The following RBM27 variants were observed in gnomAD, a reference collection of about 807,000 sequenced individuals.
The protein encoded by RBM27 is RNA binding motif protein 27.
RBM27 carries 22 observed loss-of-function variants against 135.3 expected under a neutral mutation model. The ratio of observed to expected loss-of-function variants is 0.16; its 90% CI spans 0.12 to 0.23. The LOEUF (loss-of-function observed/expected upper bound fraction) is 0.23, where lower values mean the gene tolerates loss of function less well. Ranked by LOEUF, RBM27 falls within the 10% of genes least tolerant of loss-of-function variation. The probability of loss-of-function intolerance (pLI) is 1.00; values close to 1 mark genes in which losing one functional copy is unlikely to be tolerated. For missense variants in RBM27, 1,009 were observed against 1,281.0 expected, an observed-to-expected ratio of 0.79 and a Z score of 3.24; for synonymous variants, 481 against 442.4, an observed-to-expected ratio of 1.09 and a Z score of -1.10.
chr5:146,236,117 C>T (rs999076141), intron 7 of RBM27, among the ~76,000 whole-genome samples: 7 of 152,132 alleles, frequency 4.6e-5, no homozygotes, highest in Admixed American at 6.6e-5. Context: ...GTTATCTCAG[C>T]GTGGGAACAT....
At chr5:146,250,427 G>A (rs1183608587) in intron 8 of RBM27, among the ~76,000 whole-genome samples, 6 of 109,346 alleles carry the variant, frequency 5.5e-5, no homozygotes, top group African/African-American at 7.9e-5. Flanking sequence ...GCAAGACTCC[G>A]TCTCAAAAAA....
intron 1 of RBM27, among the ~76,000 whole-genome samples, chr5:146,209,699 A>G (rs1311407253): frequency 1.3e-5 from 2 of 152,320 alleles, no homozygotes; most frequent in East Asian, 3.9e-4. Context: ...CCAGCGTTAA[A>G]TAAGTATTTT....
chr5:146,279,124 T>C (rs757960814), intron 19 of RBM27, among the ~76,000 whole-genome samples: 163 of 152,250 alleles, frequency 1.1e-3, no homozygotes, highest in Non-Finnish European at 1.4e-3. Context: ...GTAACAAATA[T>C]GTTAAGAGAT....
intron 8 of RBM27, among the ~76,000 whole-genome samples, chr5:146,239,775 C>CTTT (rs754481130): frequency 2.5e-5 from 3 of 119,422 alleles, no homozygotes; most frequent in Non-Finnish European, 3.5e-5. Flanking sequence ...CACGCCTGGA[C>CTTT]TTTTTTTTTT....
intron 10 of RBM27, 103 bp downstream of exon 10, chr5:146,255,195 A>G (rs1758054333): frequency 3.0e-6 from 3 of 993,084 alleles, no homozygotes; most frequent in Non-Finnish European, 2.9e-6. Flanking sequence ...TTAAGGTCCA[A>G]ATTACTTATA....
At chr5:146,215,682 G>A (rs1756159365) in intron 1 of RBM27, among the ~76,000 whole-genome samples, 1 of 151,986 alleles carries the variant, frequency 6.6e-6, no homozygotes, top group Non-Finnish European at 1.5e-5. Context: ...TATTCTCAGG[G>A]GTGAAATTAA....
chr5:146,267,912 GA>G, intron 15 of RBM27, 144 bp downstream of exon 15: 67 of 889,022 alleles, frequency 7.5e-5, no homozygotes, highest in South Asian at 1.4e-4. Context: ...TGTAAACTTG[GA>G]AAAAAAAGGT....
intron 2 of RBM27, among the ~76,000 whole-genome samples, chr5:146,221,271 G>T (rs1237604191): frequency 6.6e-6 from 1 of 151,894 alleles, no homozygotes; most frequent in African/African-American, 2.4e-5. Context: ...CCATAAATTT[G>T]CCACCAGAGA....
intron 3 of RBM27, among the ~76,000 whole-genome samples, chr5:146,226,903 T>C (rs1418534099): frequency 6.6e-6 from 1 of 152,186 alleles, no homozygotes; most frequent in Non-Finnish European, 1.5e-5. Flanking sequence ...GTTCATTTAG[T>C]AGTGCATAAA....
At chr5:146,281,645 C>T (rs1181831413) in intron 19 of RBM27, among the ~76,000 whole-genome samples, 1 of 152,178 alleles carries the variant, frequency 6.6e-6, no homozygotes, top group Non-Finnish European at 1.5e-5. Context: ...GCCCATGGGC[C>T]ACAGGTTGGA....
At chr5:146,280,568 G>C (rs901161060) in intron 19 of RBM27, among the ~76,000 whole-genome samples, 2 of 152,146 alleles carry the variant, frequency 1.3e-5, no homozygotes, top group African/African-American at 4.8e-5. Context: ...CCTTCTCAGA[G>C]CAGTAACTGT....
In RBM27 at chr5:146,265,852, A is replaced by T. The variant is rs962238787; in HGVS notation, c.2332-1797A>T. 5.9e-5 allele frequency among the ~76,000 whole-genome samples: 9 copies of T among 152,342 alleles called. No homozygotes were observed. The East Asian group carries it at 1.7e-3, about 29-fold the overall frequency. On this transcript the variant is annotated intron_variant, in intron 14 of 20. Coordinates refer to ENST00000265271, the MANE Select transcript of RBM27 (RefSeq NM_018989.2). Reference sequence around the variant, plus strand: ...GGTTGAAAAGAGAGATAGAAGATAGATAAGACTAAGTAAATACCTGTAGTC... The same window carrying T: ...GGTTGAAAAGAGAGATAGAAGATAGTTAAGACTAAGTAAATACCTGTAGTC...
In RBM27 at chr5:146,235,762, C is replaced by CTCCGCCTCCCAGGCT. The variant is rs1561538883; in HGVS notation, c.1145-1535_1145-1534insCCGCCTCCCAGGCTT. On this transcript the variant is annotated intron_variant, in intron 7 of 20. Transcript: ENST00000265271. ...TGGGGAGATCTTGGCTCACGACTCACTGCAACCTCCGCCTCCCAGGCTTGA... is the reference window on the plus strand; with the variant it reads ...TGGGGAGATCTTGGCTCACGACTCACTCCGCCTCCCAGGCTTGCAACCTCCGCCTCCCAGGCTTGA... Among the ~76,000 whole-genome samples, 3 of 152,030 alleles carry CTCCGCCTCCCAGGCT rather than the reference C, an allele frequency of 2.0e-5. No individual in the cohort carries two copies. The East Asian group carries it at 5.8e-4, about 29-fold the overall frequency.
chr5:146,236,128 A>G (rs1757148312), intron 7 of RBM27, among the ~76,000 whole-genome samples: 1 of 152,230 alleles, frequency 6.6e-6, no homozygotes, highest in African/African-American at 2.4e-5. Context: ...GTGGGAACAT[A>G]TCTATTTAAA....
intron 9 of RBM27, among the ~76,000 whole-genome samples, chr5:146,252,462 A>G (rs1757932944): frequency 6.6e-6 from 1 of 152,164 alleles, no homozygotes; most frequent in South Asian, 2.1e-4. Context: ...CTTTTAAGTT[A>G]ATTGGTGTTC....
chr5:146,273,931 G>A (rs890125711), intron 19 of RBM27, among the ~76,000 whole-genome samples: 18 of 152,236 alleles, frequency 1.2e-4, no homozygotes, highest in African/African-American at 4.3e-4. Context: ...TATAGTGCAT[G>A]TAATAGTGAA....
intron 1 of RBM27, among the ~76,000 whole-genome samples, chr5:146,204,837 G>C (rs375789574): frequency 7.9e-5 from 12 of 152,276 alleles, no homozygotes; most frequent in African/African-American, 2.9e-4. Context: ...ATTTTGGGTG[G>C]TGTTAGTAGA....
chr5:146,258,551 G>A lies in RBM27; in HGVS notation c.1697G>A (p.Ser566Asn). Residue 566 changes from serine (S) to asparagine (N), a missense_variant, in exon 11 of 21, where the codon AGT becomes AAT. Physicochemically the swap from Ser to Asn is conservative, Grantham distance 46 (BLOSUM62 1). Coordinates refer to ENST00000265271, the MANE Select transcript of RBM27 (RefSeq NM_018989.2). ...LEPDSRKRAMSGLEGPLTKKP... is the reference protein window; with the variant it reads ...LEPDSRKRAMNGLEGPLTKKP... ...CCAGATAGTCGAAAAAGAGCTATGA[G>A]TGGTTTGGAAGGGCCACTCACAAAG... The A allele has an allele frequency of 6.3e-7, 1 of 1,590,880 alleles. No homozygotes were observed. The highest frequency in any genetic ancestry group is 8.6e-7 in the Non-Finnish European group (1 of 1,168,776).
intron 8 of RBM27, among the ~76,000 whole-genome samples, chr5:146,243,983 T>TA (rs1369418413): frequency 6.6e-6 from 1 of 151,748 alleles, no homozygotes; most frequent in Non-Finnish European, 1.5e-5. Flanking sequence ...AGAAATATGT[T>TA]AAAAAAAATC....
Sources: allele counts gnomAD v4.1 joint callset (sites outside exome capture counted in the v4.1 genomes callset), GRCh38; gene constraint gnomAD v4.1.1; transcripts MANE v1.5; gene names NCBI Gene and HGNC (gene_info 2026-07-23, HGNC 2026-07-21).